The following SMC1B variants were observed in gnomAD, a reference collection of about 807,000 sequenced individuals.
The protein encoded by SMC1B is structural maintenance of chromosomes 1B.
A neutral mutation model predicts 157.9 loss-of-function variants in SMC1B; 60 were observed. The observed-to-expected ratio is 0.38, with a 90% CI of 0.31 to 0.47. The LOEUF is 0.47. Ranked by LOEUF, SMC1B falls within the 20% of genes least tolerant of loss-of-function variation. SMC1B has a pLI of 0.99. For synonymous variants in SMC1B, 445 were observed against 483.0 expected (o/e 0.92, Z 1.03); for missense variants, 1,165 against 1,426.2 (o/e 0.82, Z 2.95).
chr22:45,408,186 C>T (rs1275871190), intron 2 of SMC1B, among the ~76,000 whole-genome samples: 8 of 152,074 alleles, frequency 5.3e-5, no homozygotes, highest in African/African-American at 1.9e-4. Context: ...AGGGCAGTGG[C>T]GTGATCTCGG....
At chr22:45,373,317 T>A (rs2086853102) in intron 12 of SMC1B, among the ~76,000 whole-genome samples, 1 of 152,320 alleles carries the variant, frequency 6.6e-6, no homozygotes, top group Non-Finnish European at 1.5e-5. Flanking sequence ...CAAGATACCT[T>A]CGGTTTACAA....
intron 1 of SMC1B, among the ~76,000 whole-genome samples, chr22:45,409,191 G>A (rs1479235573): frequency 6.6e-6 from 1 of 152,128 alleles, no homozygotes; most frequent in Non-Finnish European, 1.5e-5. Flanking sequence ...ACTTCACTGA[G>A]TTTCAATTAT....
intron 21 of SMC1B, 58 bp downstream of exon 21, chr22:45,353,920 A>AAAAAAAAAAAAAAAAAAC: frequency 1.2e-6 from 1 of 810,950 alleles, no homozygotes; most frequent in East Asian, 3.8e-5. Context: ...AAAAAAAAAA[A>AAAAAAAAAAAAAAAAAAC]CAACCACCAC....
chr22:45,361,088 G>C lies in SMC1B; in HGVS notation c.2708+751C>G, dbSNP rs2086717332. On this transcript the variant is annotated intron_variant, in intron 17 of 24. Transcript: ENST00000357450. ...GTAATACTTACAACGATTCTGTGAGGTAGGCACTATTACTATCTCCATTAC... is the reference window on the plus strand; with the variant it reads ...GTAATACTTACAACGATTCTGTGAGCTAGGCACTATTACTATCTCCATTAC... Among the ~76,000 whole-genome samples, 2 of 152,042 alleles carry C rather than the reference G, an allele frequency of 1.3e-5. 1 individual carries two copies. The highest frequency in any genetic ancestry group is 4.1e-4 in the South Asian group (2 of 4,822).
At chr22:45,410,255 T>C (rs946093638) in intron 1 of SMC1B, among the ~76,000 whole-genome samples, 1 of 152,214 alleles carries the variant, frequency 6.6e-6, no homozygotes. Context: ...CTAAGGGTAG[T>C]TGTGGGCATT....
intron 9 of SMC1B, among the ~76,000 whole-genome samples, chr22:45,392,716 T>A (rs528157276): frequency 6.6e-6 from 1 of 152,228 alleles, no homozygotes; most frequent in East Asian, 1.9e-4. Context: ...TTCCTTTTTT[T>A]TGGAGACAGA....
In SMC1B at chr22:45,378,510, C is replaced by T. The variant is rs139861208; in HGVS notation, c.2058+4957G>A. ...AACCAACTTAATCCTCTTAATGCTACGAAATAGATGTTATTATTATCCCCA... is the reference window on the plus strand; with the variant it reads ...AACCAACTTAATCCTCTTAATGCTATGAAATAGATGTTATTATTATCCCCA... On this transcript the variant is annotated intron_variant, in intron 12 of 24. Transcript: ENST00000357450. 2.0e-3 allele frequency among the ~76,000 whole-genome samples: 307 copies of T among 152,138 alleles called. 1 individual carries two copies. The highest frequency in any genetic ancestry group is 3.8e-3 in the Non-Finnish European group (256 of 67,992).
intron 1 of SMC1B, 39 bp downstream of exon 1, chr22:45,413,420 G>A: frequency 6.6e-7 from 1 of 1,508,646 alleles, no homozygotes; most frequent in Non-Finnish European, 9.0e-7. Context: ...GCCTGGGACG[G>A]CGGAGGCGCT....
intron 5 of SMC1B, among the ~76,000 whole-genome samples, chr22:45,400,596 A>G (rs1257835210): frequency 6.6e-6 from 1 of 152,218 alleles, no homozygotes; most frequent in Non-Finnish European, 1.5e-5. Context: ...CTTTGCCCTC[A>G]AGGTAAAACA....
intron 6 of SMC1B, among the ~76,000 whole-genome samples, chr22:45,396,704 A>C (rs996752569): frequency 1.3e-5 from 2 of 151,420 alleles, no homozygotes; most frequent in Non-Finnish European, 3.0e-5. Flanking sequence ...TTTATATTTG[A>C]AACTTATTTA....
chr22:45,350,627 A>G (rs2086605413), intron 22 of SMC1B, among the ~76,000 whole-genome samples: 1 of 152,096 alleles, frequency 6.6e-6, no homozygotes, highest in Non-Finnish European at 1.5e-5. Context: ...CTACAATTCC[A>G]TGTGGGTGAC....
chr22:45,394,704 C>G lies in SMC1B; in HGVS notation c.1318G>C (p.Glu440Gln), dbSNP rs772880888. The change falls in exon 8 of 25, where the codon GAG becomes CAG. Residue 440 changes from glutamate (E) to glutamine (Q), a missense_variant. Physicochemically the swap from Glu to Gln is conservative, Grantham distance 29 (BLOSUM62 2). Transcript: ENST00000357450. ...ACCTACATGCATGTCTTTGTATACTCCTCTAACTTCTCTATTCGTTTTTTA... is the reference window on the plus strand; with the variant it reads ...ACCTACATGCATGTCTTTGTATACTGCTCTAACTTCTCTATTCGTTTTTTA... ...DHKKRIEKLE[E>Q]YTKTCMDCLK... 1.3e-6 allele frequency: 2 copies of G among 1,562,282 alleles called. No individual in the cohort carries two copies. Among genetic ancestry groups the G allele is most frequent in the Non-Finnish European group, 8.7e-7 (1 of 1,148,574 alleles).
At chr22:45,390,158 C>T (rs1404806420) in intron 9 of SMC1B, among the ~76,000 whole-genome samples, 1 of 151,838 alleles carries the variant, frequency 6.6e-6, no homozygotes, top group Non-Finnish European at 1.5e-5. Flanking sequence ...TAAAACTACA[C>T]AATTAAATAA....
chr22:45,382,831 T>G (rs529508607), intron 12 of SMC1B, among the ~76,000 whole-genome samples: 2 of 152,274 alleles, frequency 1.3e-5, no homozygotes, highest in Admixed American at 6.5e-5. Context: ...ACCTCAGTTA[T>G]ACTTTAAGAA....
In SMC1B at chr22:45,355,115, C is replaced by T; in HGVS notation, c.2962G>A (p.Ala988Thr). 1 of 1,614,024 alleles carries T rather than the reference C, an allele frequency of 6.2e-7. No homozygotes were observed. Among genetic ancestry groups the T allele is most frequent in the Non-Finnish European group, 8.5e-7 (1 of 1,179,986 alleles). The change falls in exon 20 of 25, where the codon GCT becomes ACT. Residue 988 changes from alanine to threonine, a missense_variant and splice_region_variant. Physicochemically the swap from Ala to Thr is moderately conservative, Grantham distance 58 (BLOSUM62 0). Coordinates refer to ENST00000357450, the MANE Select transcript of SMC1B (RefSeq NM_148674.5). Reference sequence around the variant, plus strand: ...TCGATTTCTTGATCAGACTGTAGAGCCTATTATGGGCAAAGAACAACACTG... The same window carrying T: ...TCGATTTCTTGATCAGACTGTAGAGTCTATTATGGGCAAAGAACAACACTG... ...DYSSLKEDLK[A>T]LQSDQEIEAH...
rs147891628 is a variant in SMC1B, at chr22:45,388,359, G to A, written c.1732-1313C>T. 2.7e-3 allele frequency among the ~76,000 whole-genome samples: 416 copies of A among 152,260 alleles called. 2 individuals are homozygous for A. The highest frequency in any genetic ancestry group is 9.3e-3 in the African/African-American group (385 of 41,538). ...AATCAGGCATTATGAAGGGGTAGGAGTATCCCCTTTATATTTGATACACTT... is the reference window on the plus strand; with the variant it reads ...AATCAGGCATTATGAAGGGGTAGGAATATCCCCTTTATATTTGATACACTT... On this transcript the variant is annotated intron_variant, in intron 10 of 24. Transcript: ENST00000357450.
chr22:45,374,788 A>T (rs1001925853), intron 12 of SMC1B, among the ~76,000 whole-genome samples: 5 of 152,168 alleles, frequency 3.3e-5, no homozygotes, highest in African/African-American at 1.2e-4. Flanking sequence ...CTTCAGAGTA[A>T]TGTGGCCTAT....
chr22:45,363,032 A>T lies in SMC1B; in HGVS notation c.2421-6T>A. The T allele has an allele frequency of 1.3e-6, 2 of 1,561,240 alleles. No individual in the cohort carries two copies. The highest frequency in any genetic ancestry group is 1.7e-6 in the Non-Finnish European group (2 of 1,158,674). On this transcript the variant is annotated splice_polypyrimidine_tract_variant and splice_region_variant and intron_variant, in intron 15 of 24. Transcript: ENST00000357450. Reference sequence around the variant, plus strand: ...TTTGTTTTTCAAATTCTAATCTAGTATAATAAAGTCAAGCATTACAAGTGT... The same window carrying T: ...TTTGTTTTTCAAATTCTAATCTAGTTTAATAAAGTCAAGCATTACAAGTGT...
rs760298028 is a variant in SMC1B at position 45,345,470 on chromosome 22, T to C, written c.3595A>G (p.Ile1199Val). ...TGATTTGTCTTTACCTCAGGATAGA[T>C]GCCGATCAGCGCGTCGGCTCTGGAA... Reference protein sequence around the residue: ...FYSRADALIGIYPEYDDCMFS... With the variant: ...FYSRADALIGVYPEYDDCMFS... Residue 1199 changes from isoleucine to valine, a missense_variant, in exon 24 of 25, where the codon ATC becomes GTC. Transcript: ENST00000357450. 1.9e-6 allele frequency: 3 copies of C among 1,611,212 alleles called. No individual in the cohort carries two copies. The South Asian group carries it at 3.3e-5, about 18-fold the overall frequency.
Sources: allele counts gnomAD v4.1 joint callset (sites outside exome capture counted in the v4.1 genomes callset), GRCh38; gene constraint gnomAD v4.1.1; transcripts MANE v1.5; gene names NCBI Gene and HGNC (gene_info 2026-07-23, HGNC 2026-07-21).